Variants in SLC35F4 observed in about 807,000 individuals in gnomAD.
The protein encoded by SLC35F4 is chromosome 14 open reading frame 36.
In SLC35F4, 24 loss-of-function variants were observed where a neutral mutation model predicts 44.2. The ratio of observed to expected loss-of-function variants is 0.54; its 90% CI spans 0.39 to 0.76. The LOEUF is 0.76. Among genes scored for constraint, SLC35F4 ranks in the 30% least tolerant of loss-of-function variants. The pLI is 0.00. For synonymous variants in SLC35F4, 238 were observed against 223.6 expected (o/e 1.06, Z -0.57); for missense variants, 562 against 586.1 (o/e 0.96, Z 0.42).
At chr14:57,740,534 G>T (rs564649047) in intron 1 of SLC35F4, among the ~76,000 whole-genome samples, 16 of 152,236 alleles carry the variant, frequency 1.1e-4, no homozygotes, top group Non-Finnish European at 2.2e-4. Flanking sequence ...GTTAATTAAT[G>T]GGTAAAAACA....
chr14:57,797,632 TGAGG>T (rs1456941909), intron 1 of SLC35F4, among the ~76,000 whole-genome samples: 1 of 152,022 alleles, frequency 6.6e-6, no homozygotes, highest in African/African-American at 2.4e-5. Flanking sequence ...ATAAATCTAC[TGAGG>T]AAGAAGGGTC....
chr14:57,596,954 C>T (rs2139949049), intron 1 of SLC35F4: 1 of 1,229,296 alleles, frequency 8.1e-7, no homozygotes, highest in South Asian at 1.3e-5. Context: ...CCAAGCCAGA[C>T]CTGGAGACGT....
chr14:57,707,847 A>T (rs1373255857), intron 1 of SLC35F4, among the ~76,000 whole-genome samples: 1 of 152,214 alleles, frequency 6.6e-6, no homozygotes, highest in Non-Finnish European at 1.5e-5. Flanking sequence ...AACTGATTCC[A>T]TCTTGCTTCT....
intron 1 of SLC35F4, among the ~76,000 whole-genome samples, chr14:57,668,131 TC>T (rs2140260059): frequency 1.3e-5 from 2 of 151,116 alleles, no homozygotes; most frequent in East Asian, 3.9e-4. Context: ...ATAAATGTCT[TC>T]TTTTGAGAAG....
At chr14:57,847,586 T>C (rs1454410865) in intron 1 of SLC35F4, among the ~76,000 whole-genome samples, 1 of 152,182 alleles carries the variant, frequency 6.6e-6, no homozygotes. Flanking sequence ...TACAAGGTCA[T>C]GTGAGGTATA....
chr14:57,968,246 A>G (rs555997665), intron 1 of SLC35F4, among the ~76,000 whole-genome samples: 2 of 152,320 alleles, frequency 1.3e-5, no homozygotes, highest in African/African-American at 4.8e-5. Context: ...TCACAAGTAA[A>G]ATAAAATGAT....
intron 4 of SLC35F4, among the ~76,000 whole-genome samples, chr14:57,577,643 A>T (rs2068887447): frequency 6.6e-6 from 1 of 151,952 alleles, no homozygotes; most frequent in African/African-American, 2.4e-5. Flanking sequence ...AGCCAGTGGC[A>T]CATTCCCCTT....
At chr14:57,664,039 T>C (rs751088565) in intron 1 of SLC35F4, among the ~76,000 whole-genome samples, 27 of 152,076 alleles carry the variant, frequency 1.8e-4, no homozygotes, top group Non-Finnish European at 2.5e-4. Context: ...GCACTGTACA[T>C]AGAGGAGAAT....
chr14:57,777,543 T>A (rs893649285), intron 1 of SLC35F4, among the ~76,000 whole-genome samples: 1 of 151,736 alleles, frequency 6.6e-6, no homozygotes, highest in African/African-American at 2.4e-5. Flanking sequence ...AACCAAACAC[T>A]GCATGTTCTC....
intron 1 of SLC35F4, among the ~76,000 whole-genome samples, chr14:57,691,550 A>G (rs964248885): frequency 2.0e-5 from 3 of 152,244 alleles, no homozygotes; most frequent in Non-Finnish European, 4.4e-5. Flanking sequence ...ATGCAAAAGT[A>G]ATATTAATTA....
chr14:57,736,323 T>G (rs2076462845), intron 1 of SLC35F4, among the ~76,000 whole-genome samples: 1 of 152,138 alleles, frequency 6.6e-6, no homozygotes, highest in Admixed American at 6.5e-5. Context: ...AAGGGTTTTC[T>G]CCCCTCCACA....
upstream of SLC35F4, among the ~76,000 whole-genome samples, chr14:57,866,279 A>C (rs751283240): frequency 2.7e-4 from 41 of 152,272 alleles, no homozygotes; most frequent in African/African-American, 9.6e-4. Context: ...CCAGGGGCTC[A>C]GAGAAGGGTG....
At chr14:57,877,824 A>C (rs760255519) in intron 1 of SLC35F4, among the ~76,000 whole-genome samples, 8 of 151,614 alleles carry the variant, frequency 5.3e-5, no homozygotes, top group Non-Finnish European at 1.2e-4. Flanking sequence ...AGATGGGATT[A>C]CAGGCTTATG....
intron 1 of SLC35F4, among the ~76,000 whole-genome samples, chr14:57,766,867 AAGAC>A (rs1281140699): frequency 6.6e-6 from 1 of 152,198 alleles, no homozygotes; most frequent in Non-Finnish European, 1.5e-5. Flanking sequence ...TACAAATCAA[AAGAC>A]AGAGAGTGAT....
chr14:57,607,649 T>C (rs1451736248), intron 1 of SLC35F4, among the ~76,000 whole-genome samples: 2 of 152,274 alleles, frequency 1.3e-5, no homozygotes, highest in East Asian at 3.9e-4. Flanking sequence ...TCACTGCCAT[T>C]TGAAAGGATT....
chr14:57,897,262 G>T lies in SLC35F4; in HGVS notation n.282+84651C>A, dbSNP rs17093865. Among the ~76,000 whole-genome samples, 4,566 of 152,074 alleles carry T rather than the reference G, an allele frequency of 0.03. 441 individuals are homozygous for T. The East Asian group carries it at 0.39, about 13-fold the overall frequency. ...CAAGAGACTCCCTGATAGGGTTAAA[G>T]CTCCTTAGCATTGTGTGGGAAAGGA... On this transcript the variant is annotated intron_variant and non_coding_transcript_variant, in intron 1 of 1. Transcript: ENST00000556568.
At chr14:57,725,898 T>C (rs2140452945) in intron 1 of SLC35F4, among the ~76,000 whole-genome samples, 1 of 152,240 alleles carries the variant, frequency 6.6e-6, no homozygotes, top group Non-Finnish European at 1.5e-5. Context: ...ACTAGCAAAA[T>C]TTTTGCTTCC....
chr14:57,859,675 A>G (rs1887514608), intron 1 of SLC35F4, among the ~76,000 whole-genome samples: 1 of 152,182 alleles, frequency 6.6e-6, no homozygotes. Flanking sequence ...TAAGGTGCGT[A>G]TGCTGGATTG....
chr14:57,624,416 T>C (rs963627337), intron 1 of SLC35F4, among the ~76,000 whole-genome samples: 1 of 151,818 alleles, frequency 6.6e-6, no homozygotes, highest in African/African-American at 2.4e-5. Flanking sequence ...TTCCAAACAA[T>C]AGAAAAAGAG....
Sources: allele counts gnomAD v4.1 joint callset (sites outside exome capture counted in the v4.1 genomes callset), GRCh38; gene constraint gnomAD v4.1.1; transcripts MANE v1.5; gene names NCBI Gene and HGNC (gene_info 2026-07-23, HGNC 2026-07-21).